SP100: variants seen among roughly 807,000 people sequenced by gnomAD.
SP100 encodes the protein nuclear autoantigen Sp-100.
A neutral mutation model predicts 130.0 loss-of-function variants in SP100; 84 were observed. That is an observed-to-expected ratio of 0.65 (90% CI 0.54 to 0.77). SP100 has a LOEUF of 0.77. SP100 is among the 30% of genes least tolerant of loss of function. The pLI is 0.00. For missense variants in SP100, 978 were observed against 1,052.2 expected, an observed-to-expected ratio of 0.93 and a Z score of 0.97; for synonymous variants, 331 against 351.7, an observed-to-expected ratio of 0.94 and a Z score of 0.66.
At chr2:230,438,124 C>T (rs1471266417) in intron 2 of SP100, among the ~76,000 whole-genome samples, 1 of 151,888 alleles carries the variant, frequency 6.6e-6, no homozygotes, top group Non-Finnish European at 1.5e-5. Context: ...GTCATTTTTT[C>T]TTAGTTGTGT....
At chr2:230,515,095 G>T (rs1690831466) in intron 24 of SP100, 15 of 1,612,862 alleles carry the variant, frequency 9.3e-6, no homozygotes, top group Non-Finnish European at 1.3e-5. Context: ...AACTTGTCAG[G>T]AGGAGCATAA....
intron 4 of SP100, among the ~76,000 whole-genome samples, chr2:230,445,772 C>A (rs1470402760): frequency 6.6e-6 from 1 of 152,176 alleles, no homozygotes; most frequent in East Asian, 1.9e-4. Flanking sequence ...CTCAGGGGCT[C>A]TGTTCCTCTC....
chr2:230,417,748 C>T, intron 2 of SP100, 83 bp downstream of exon 2: 1 of 1,529,500 alleles, frequency 6.5e-7, no homozygotes, highest in South Asian at 1.3e-5. Flanking sequence ...TGTTTCTTGG[C>T]CATTTAAATT....
At chr2:230,452,052 T>G (rs1173254165) in intron 8 of SP100, among the ~76,000 whole-genome samples, 1 of 152,258 alleles carries the variant, frequency 6.6e-6, no homozygotes, top group Admixed American at 6.5e-5. Flanking sequence ...GCTGTATATA[T>G]TGAATCAGGT....
chr2:230,532,436 A>C (rs921170128), intron 24 of SP100, among the ~76,000 whole-genome samples: 1 of 152,134 alleles, frequency 6.6e-6, no homozygotes, highest in Non-Finnish European at 1.5e-5. Context: ...ATATTGGCCT[A>C]TCCTTAAGGA....
At chr2:230,508,166 G>T in intron 23 of SP100, 135 bp downstream of exon 23, 1 of 1,436,496 alleles carries the variant, frequency 7.0e-7, no homozygotes. Flanking sequence ...TGCAGTTGCT[G>T]CTTTCAAACA....
At chr2:230,468,928 G>C in intron 13 of SP100, 115 bp from the exon 14 acceptor site, 1 of 581,524 alleles carries the variant, frequency 1.7e-6, no homozygotes, top group Non-Finnish European at 3.0e-6. Context: ...GGAAGAGACA[G>C]AAATGATCCT....
chr2:230,541,250 C>T, intron 26 of SP100, 51 bp from the exon 27 acceptor site: 1 of 1,537,256 alleles, frequency 6.5e-7, no homozygotes, highest in Non-Finnish European at 9.0e-7. Flanking sequence ...AGCATATGAG[C>T]TCTTTCTCTC....
At chr2:230,510,724 T>C in intron 23 of SP100, 1 of 231,908 alleles carries the variant, frequency 4.3e-6, no homozygotes, top group Non-Finnish European at 8.5e-6. Context: ...CTTGATCTCT[T>C]GACCTTGTGA....
chr2:230,446,953 G>T (rs376455474), intron 5 of SP100, 51 bp downstream of exon 5: 11 of 1,055,072 alleles, frequency 1.0e-5, no homozygotes, highest in East Asian at 2.6e-5. Context: ...AGGGATCCAA[G>T]GTTCTGAGTG....
At chr2:230,532,539 A>G (rs836233) in intron 24 of SP100, among the ~76,000 whole-genome samples, 24,791 of 151,652 alleles carry the variant, frequency 0.16, 2,455 homozygotes, top group Non-Finnish European at 0.22. Context: ...GTAGTAATAA[A>G]AAAAAAAAAG....
chr2:230,499,933 G>A (rs1256827632), intron 19 of SP100, among the ~76,000 whole-genome samples: 1 of 152,096 alleles, frequency 6.6e-6, no homozygotes, highest in African/African-American at 2.4e-5. Context: ...AGGTGGGGAA[G>A]GCTGATGCTG....
intron 12 of SP100, among the ~76,000 whole-genome samples, chr2:230,466,913 G>A (rs1173367358): frequency 6.6e-6 from 1 of 152,208 alleles, no homozygotes; most frequent in Admixed American, 6.5e-5. Context: ...CTCAGGCTCA[G>A]GTGACAGTGA....
At chr2:230,432,382 C>T (rs552679448) in intron 2 of SP100, among the ~76,000 whole-genome samples, 2 of 152,070 alleles carry the variant, frequency 1.3e-5, no homozygotes, top group East Asian at 1.9e-4. Context: ...TATACATGTT[C>T]GTTTCTAGGT....
chr2:230,533,069 C>A (rs2150110104), intron 24 of SP100, among the ~76,000 whole-genome samples: 1 of 152,360 alleles, frequency 6.6e-6, no homozygotes, highest in East Asian at 1.9e-4. Context: ...GCATAAGCCA[C>A]CGTGCCCGGC....
intron 2 of SP100, among the ~76,000 whole-genome samples, chr2:230,436,026 G>A (rs181488317): frequency 1.2e-3 from 175 of 151,948 alleles, no homozygotes; most frequent in Non-Finnish European, 2.3e-3. Context: ...GTTTCAATGG[G>A]GTTCCAGGTT....
At chr2:230,437,054 T>G (rs773983345) in intron 2 of SP100, among the ~76,000 whole-genome samples, 1 of 151,486 alleles carries the variant, frequency 6.6e-6, no homozygotes, top group Admixed American at 6.6e-5. Flanking sequence ...CATCCCCATA[T>G]TGTTTTCTAT....
At chr2:230,451,781 T>A (rs964932388) in intron 8 of SP100, among the ~76,000 whole-genome samples, 1 of 147,706 alleles carries the variant, frequency 6.8e-6, no homozygotes, top group Non-Finnish European at 1.5e-5. Flanking sequence ...GGGTATTAAA[T>A]TTCAGTATTT....
chr2:230,440,544 A>T lies in SP100; in HGVS notation c.108-2393A>T, dbSNP rs917461681. 5.8e-6 allele frequency: 8 copies of T among 1,379,168 alleles called. No homozygotes were observed. The African/African-American group carries it at 1.0e-4, about 18-fold the overall frequency. 85.4% of individuals were successfully genotyped at this position (1,379,168 alleles called of 1,614,324 possible). ...CTAAAAACTATAAGCAGTGCTGGGT[A>T]AAATTAAACACATGTAAGTAAATGG... On this transcript the variant is annotated intron_variant, in intron 2 of 28. Transcript: ENST00000340126.
Sources: gnomAD v4.1 joint callset for allele counts (sites outside exome capture counted in the v4.1 genomes callset) on GRCh38, gnomAD v4.1.1 for gene constraint, MANE v1.5 for transcripts, NCBI Gene and HGNC (gene_info 2026-07-23, HGNC 2026-07-21) for gene names.